POFUT3: variants seen among roughly 807,000 people sequenced by gnomAD.
The protein encoded by POFUT3 is GDP-fucose protein O-fucosyltransferase 3.
At chr8:33,386,101 A>G in the POFUT3 span, among the ~76,000 whole-genome samples, 3 of 148,892 alleles carry the variant, frequency 2.0e-5, no homozygotes, top group Admixed American at 2.0e-4. Flanking sequence ...AGGCACGAGA[A>G]TCGCTTGAGC....
the POFUT3 span, among the ~76,000 whole-genome samples, chr8:33,457,511 T>C: frequency 3.3e-5 from 5 of 151,848 alleles, no homozygotes; most frequent in African/African-American, 9.7e-5. Context: ...AAACCCCAAC[T>C]CATTATGAAA....
At chr8:33,360,865 G>T in the POFUT3 span, 1 of 152,138 alleles carries the variant, frequency 6.6e-6, no homozygotes, top group Non-Finnish European at 1.5e-5. Flanking sequence ...CAGCAGACAC[G>T]TTTTAATTTT....
the POFUT3 span, among the ~76,000 whole-genome samples, chr8:33,428,289 A>G: frequency 6.6e-6 from 1 of 152,376 alleles, no homozygotes; most frequent in South Asian, 2.1e-4. Flanking sequence ...CGTTCTCAAC[A>G]GGAGAAATCT....
the POFUT3 span, among the ~76,000 whole-genome samples, chr8:33,463,658 C>A: frequency 6.6e-6 from 1 of 152,184 alleles, no homozygotes; most frequent in East Asian, 1.9e-4. Context: ...AGTCCTCCCA[C>A]CTCAGCCTCC....
the POFUT3 span, among the ~76,000 whole-genome samples, chr8:33,369,153 A>G: frequency 6.6e-6 from 1 of 152,356 alleles, no homozygotes; most frequent in East Asian, 1.9e-4. Context: ...ACAAGCATCT[A>G]TTGAGCAAAG....
chr8:33,332,129 A>G, the POFUT3 span, among the ~76,000 whole-genome samples: 1 of 149,808 alleles, frequency 6.7e-6, no homozygotes, highest in South Asian at 2.1e-4. Flanking sequence ...GGCAACAGAA[A>G]AAGACCTTGT....
At chr8:33,367,811 G>T in the POFUT3 span, among the ~76,000 whole-genome samples, 1 of 151,832 alleles carries the variant, frequency 6.6e-6, no homozygotes, top group African/African-American at 2.4e-5. Flanking sequence ...AAGTTCTTGG[G>T]ATAATATCCT....
chr8:33,467,953 T>C, the POFUT3 span, among the ~76,000 whole-genome samples: 1 of 152,066 alleles, frequency 6.6e-6, no homozygotes, highest in African/African-American at 2.4e-5. Flanking sequence ...CCTGGTAGTT[T>C]GTGAGGCTGG....
At chr8:33,353,314 T>A in the POFUT3 span, among the ~76,000 whole-genome samples, 1 of 152,210 alleles carries the variant, frequency 6.6e-6, no homozygotes, top group Non-Finnish European at 1.5e-5. Context: ...AGACTGTGCC[T>A]ACATGATGTC....
chr8:33,317,753 G>A, the POFUT3 span, among the ~76,000 whole-genome samples: 1 of 151,938 alleles, frequency 6.6e-6, no homozygotes, highest in African/African-American at 2.4e-5. Flanking sequence ...ACTGAGCTGG[G>A]CAAGCAAACC....
the POFUT3 span, among the ~76,000 whole-genome samples, chr8:33,470,127 T>A: frequency 1.3e-5 from 2 of 150,178 alleles, no homozygotes; most frequent in South Asian, 4.2e-4. Flanking sequence ...AAGCTTGGTG[T>A]CGTGGCTCAT....
the POFUT3 span, among the ~76,000 whole-genome samples, chr8:33,447,244 T>C: frequency 5.3e-5 from 8 of 152,022 alleles, no homozygotes; most frequent in African/African-American, 1.9e-4. Flanking sequence ...GGTCAGGAGA[T>C]CGAGACCATC....
the POFUT3 span, among the ~76,000 whole-genome samples, chr8:33,456,054 G>T: frequency 6.6e-6 from 1 of 152,192 alleles, no homozygotes; most frequent in African/African-American, 2.4e-5. Context: ...TCTGCCTGTT[G>T]CCAATAGCTC....
At chr8:33,386,215 GT>G in the POFUT3 span, among the ~76,000 whole-genome samples, 1 of 119,348 alleles carries the variant, frequency 8.4e-6, no homozygotes, top group African/African-American at 3.7e-5. Flanking sequence ...AAAAAAAAAA[GT>G]GGTCTAATAC....
chr8:33,401,564 G>A, the POFUT3 span, among the ~76,000 whole-genome samples: 30 of 152,106 alleles, frequency 2.0e-4, no homozygotes, highest in South Asian at 6.2e-4. Context: ...CATATATACC[G>A]TTAGAAACCT....
the POFUT3 span, among the ~76,000 whole-genome samples, chr8:33,413,454 C>A: frequency 1.4e-4 from 22 of 152,144 alleles, no homozygotes; most frequent in Non-Finnish European, 2.9e-4. Flanking sequence ...AAGAAGCCAG[C>A]CCTACCAGAC....
chr8:33,341,446 A>G, the POFUT3 span, among the ~76,000 whole-genome samples: 7 of 151,766 alleles, frequency 4.6e-5, no homozygotes, highest in East Asian at 3.9e-4. Flanking sequence ...AAAAAAAAAA[A>G]AAAAAGAAAA....
chr8:33,409,883 C>T, the POFUT3 span, among the ~76,000 whole-genome samples: 19 of 152,064 alleles, frequency 1.2e-4, no homozygotes, highest in African/African-American at 4.3e-4. Context: ...GCAGCCTGGG[C>T]GACAAAGCAA....
At chr8:33,453,392 CCTT>C in the POFUT3 span, 1 of 1,614,142 alleles carries the variant, frequency 6.2e-7, no homozygotes, top group Non-Finnish European at 8.5e-7. Context: ...GAAGGTCAAT[CCTT>C]CTTTCTTAAG....
Sources: allele counts gnomAD v4.1 joint callset (sites outside exome capture counted in the v4.1 genomes callset), GRCh38; gene constraint gnomAD v4.1.1; transcripts MANE v1.5; gene names NCBI Gene and HGNC (gene_info 2026-07-23, HGNC 2026-07-21).